Variants in RLN2 observed in about 807,000 individuals in gnomAD.
RLN2 encodes prorelaxin H2.
RLN2 carries 10 observed loss-of-function variants against 7.3 expected under a neutral mutation model. That is an observed-to-expected ratio of 1.36 (90% CI 0.84 to 2.31). The LOEUF is 2.31. Ranked by LOEUF, RLN2 falls within the 30% of genes most tolerant of loss-of-function variation. The probability of loss-of-function intolerance (pLI) is 0.00; values close to 1 mark genes in which losing one functional copy is unlikely to be tolerated. For missense variants in RLN2, 298 were observed against 217.6 expected (o/e 1.37, Z -2.32); for synonymous variants, 103 against 82.3 (o/e 1.25, Z -1.36).
upstream of RLN2, among the ~76,000 whole-genome samples, chr9:5,307,269 GAGGATAGATA>G (rs1563737982): frequency 4.9e-5 from 2 of 40,888 alleles, no homozygotes; most frequent in African/African-American, 1.1e-4. Context: ...TAGATAGATA[GAGGATAGATA>G]GATAGATAGA....
chr9:5,335,422 A>C, the RLN2 span: 1 of 1,613,778 alleles, frequency 6.2e-7, no homozygotes, highest in Non-Finnish European at 8.5e-7. Flanking sequence ...TAAGTTTCTT[A>C]AATTCTTCAA....
chr9:5,329,615 C>A, the RLN2 span, among the ~76,000 whole-genome samples: 1 of 150,058 alleles, frequency 6.7e-6, no homozygotes, highest in African/African-American at 2.4e-5. Flanking sequence ...CAATCCTAGT[C>A]TCTGATAAAA....
At chr9:5,336,481 A>C in the RLN2 span, among the ~76,000 whole-genome samples, 8 of 151,918 alleles carry the variant, frequency 5.3e-5, no homozygotes, top group South Asian at 4.1e-4. Flanking sequence ...CTGACATCTT[A>C]CTCCATCTTT....
chr9:5,336,518 C>T, the RLN2 span, among the ~76,000 whole-genome samples: 1 of 152,046 alleles, frequency 6.6e-6, no homozygotes, highest in Non-Finnish European at 1.5e-5. Flanking sequence ...GTTGAACATT[C>T]ATTACCTGTT....
the RLN2 span, among the ~76,000 whole-genome samples, chr9:5,329,202 C>G: frequency 1.3e-5 from 2 of 148,382 alleles, no homozygotes; most frequent in African/African-American, 5.0e-5. Flanking sequence ...ACTCGGGAGG[C>G]TGAGGCAGGA....
At chr9:5,332,642 T>C in the RLN2 span, among the ~76,000 whole-genome samples, 1 of 151,060 alleles carries the variant, frequency 6.6e-6, no homozygotes, top group Non-Finnish European at 1.5e-5. Flanking sequence ...TTTAATGTGA[T>C]ACAGTGTTTC....
the RLN2 span, chr9:5,335,559 T>C: frequency 5.6e-6 from 9 of 1,611,294 alleles, no homozygotes; most frequent in African/African-American, 6.7e-5. Context: ...ATGATAATTA[T>C]AGTTTCTGTA....
chr9:5,311,664 A>T, the RLN2 span: 18 of 1,341,354 alleles, frequency 1.3e-5, no homozygotes, highest in African/African-American at 2.2e-4. Flanking sequence ...GAAAATGGAG[A>T]CGCCAAAACA....
the RLN2 span, chr9:5,335,320 G>A: frequency 6.2e-7 from 1 of 1,611,700 alleles, no homozygotes; most frequent in Non-Finnish European, 8.5e-7. Context: ...GTGCCACGTA[G>A]GGTCGTCTCT....
At chr9:5,337,895 A>G in the RLN2 span, among the ~76,000 whole-genome samples, 1 of 152,078 alleles carries the variant, frequency 6.6e-6, no homozygotes, top group Admixed American at 6.6e-5. Flanking sequence ...CTAAATATCC[A>G]CCAAAGAATC....
At chr9:5,322,075 A>G in the RLN2 span, among the ~76,000 whole-genome samples, 5 of 152,110 alleles carry the variant, frequency 3.3e-5, no homozygotes, top group African/African-American at 1.2e-4. Flanking sequence ...GGATGGGTAC[A>G]GCAAAGCCTG....
chr9:5,300,545 A>T, intron 1 of RLN2, 101 bp from the exon 2 acceptor site: 1 of 753,576 alleles, frequency 1.3e-6, no homozygotes, highest in Non-Finnish European at 2.1e-6. Context: ...GCATTGCCTC[A>T]GTATAAATTA....
At chr9:5,331,816 T>C in the RLN2 span, among the ~76,000 whole-genome samples, 4 of 151,982 alleles carry the variant, frequency 2.6e-5, no homozygotes, top group Non-Finnish European at 5.9e-5. Flanking sequence ...TAAAGTATAA[T>C]AAACAAACAA....
At chr9:5,330,101 G>C in the RLN2 span, among the ~76,000 whole-genome samples, 1 of 152,008 alleles carries the variant, frequency 6.6e-6, no homozygotes, top group African/African-American at 2.4e-5. Flanking sequence ...TCAGGATTAA[G>C]AAACTCACTC....
chr9:5,326,774 T>C, the RLN2 span, among the ~76,000 whole-genome samples: 1 of 152,078 alleles, frequency 6.6e-6, no homozygotes, highest in African/African-American at 2.4e-5. Flanking sequence ...TAATGTTTTT[T>C]AAATTTAGGA....
At chr9:5,308,879 G>T (rs976426963), upstream of RLN2, among the ~76,000 whole-genome samples, 1 of 152,044 alleles carries the variant, frequency 6.6e-6, no homozygotes, top group Non-Finnish European at 1.5e-5. Context: ...ACATCCTTTC[G>T]TGGTAACCAG....
At chr9:5,335,601 T>C in the RLN2 span, 3 of 1,583,802 alleles carry the variant, frequency 1.9e-6, no homozygotes, top group African/African-American at 4.1e-5. Flanking sequence ...ACAATTTCTG[T>C]TAAGTTTAAA....
At chr9:5,320,818 C>T in the RLN2 span, among the ~76,000 whole-genome samples, 9 of 152,116 alleles carry the variant, frequency 5.9e-5, no homozygotes, top group Non-Finnish European at 1.2e-4. Flanking sequence ...AAAGATAGTT[C>T]TGTCTTCTAG....
upstream of RLN2, among the ~76,000 whole-genome samples, chr9:5,305,402 C>CACACACACACACACAGAG (rs397829533): frequency 8.9e-6 from 1 of 112,204 alleles, no homozygotes; most frequent in African/African-American, 3.5e-5. Context: ...CACACACACA[C>CACACACACACACACAGAG]AGAGAGAGAG....
Sources: allele counts gnomAD v4.1 joint callset (sites outside exome capture counted in the v4.1 genomes callset), GRCh38; gene constraint gnomAD v4.1.1; transcripts MANE v1.5; gene names NCBI Gene and HGNC (gene_info 2026-07-23, HGNC 2026-07-21).